Variants in JMY observed in about 807,000 individuals in gnomAD.
JMY encodes junction mediating and regulatory protein, p53 cofactor, also known as junction-mediating and -regulatory protein.
In JMY, 46 loss-of-function variants were observed where a neutral mutation model predicts 103.3. The ratio of observed to expected loss-of-function variants is 0.45; its 90% confidence interval spans 0.35 to 0.57. JMY has a LOEUF of 0.57. Ranked by LOEUF, JMY falls within the 20% of genes least tolerant of loss-of-function variation. The pLI is 0.00. For synonymous variants in JMY, 526 were observed against 489.3 expected, an observed-to-expected ratio of 1.07 and a Z score of -0.99; for missense variants, 1,238 against 1,255.2, an observed-to-expected ratio of 0.99 and a Z score of 0.21.
chr5:79,282,100 G>T (rs1330970174), intron 2 of JMY, among the ~76,000 whole-genome samples: 1 of 152,132 alleles, frequency 6.6e-6, no homozygotes, highest in African/African-American at 2.4e-5. Context: ...CCAGCTACTT[G>T]GGAGGCTGAG....
In JMY at chr5:79,269,014, C is replaced by T. The variant is rs940207874; in HGVS notation, c.1033-8896C>T. Reference sequence around the variant, plus strand: ...AGAGCAGAAGTTAAATGAAGTCCCACTCACCAATTTTTTAATGGATTGTGT... The same window carrying T: ...AGAGCAGAAGTTAAATGAAGTCCCATTCACCAATTTTTTAATGGATTGTGT... On this transcript the variant is annotated intron_variant, in intron 1 of 10. Coordinates refer to ENST00000396137, the MANE Select transcript of JMY (RefSeq NM_152405.5). Among the ~76,000 whole-genome samples, 6 of 152,140 alleles carry T rather than the reference C, an allele frequency of 3.9e-5. 1 individual carries two copies. The highest frequency in any genetic ancestry group is 8.8e-5 in the Non-Finnish European group (6 of 68,036).
rs914388411 is a variant in JMY at position 79,237,394 on chromosome 5, G to A, written c.744G>A (p.Val248=). The change falls in exon 1 of 11, where the codon GTG becomes GTA. Residue 248 remains valine, a synonymous_variant. Transcript: ENST00000396137. ...LRAVHQQLCS[V]NSQLEPCLPV... ...CCGTGCACCAGCAGCTGTGCTCGGT[G>A]AACTCGCAGTTGGAGCCGTGCCTGC... 1 of 1,613,520 alleles carries A rather than the reference G, an allele frequency of 6.2e-7. No individual in the cohort carries two copies. Among genetic ancestry groups the A allele is most frequent in the African/African-American group, 1.3e-5 (1 of 75,054 alleles).
intron 1 of JMY, among the ~76,000 whole-genome samples, chr5:79,269,761 T>C (rs548064006): frequency 6.6e-6 from 1 of 152,104 alleles, no homozygotes; most frequent in East Asian, 1.9e-4. Flanking sequence ...GACAGGGTAT[T>C]GCCCTGTCAC....
chr5:79,310,359 C>T (rs1430796095), intron 7 of JMY, among the ~76,000 whole-genome samples: 1 of 152,046 alleles, frequency 6.6e-6, no homozygotes, highest in East Asian at 1.9e-4. Context: ...CCACTCCTGG[C>T]CAAGAAATTG....
At chr5:79,263,831 C>G (rs912962065) in intron 1 of JMY, among the ~76,000 whole-genome samples, 3 of 151,514 alleles carry the variant, frequency 2.0e-5, no homozygotes, top group African/African-American at 7.3e-5. Flanking sequence ...GAGTTTCACT[C>G]TTGTCGCCCA....
At chr5:79,283,963 A>G (rs1313109082) in intron 2 of JMY, among the ~76,000 whole-genome samples, 2 of 152,218 alleles carry the variant, frequency 1.3e-5, no homozygotes, top group Non-Finnish European at 2.9e-5. Flanking sequence ...AAAAAGTGCA[A>G]AAAGCGTGTT....
At chr5:79,267,242 A>G (rs903542065) in intron 1 of JMY, among the ~76,000 whole-genome samples, 35 of 152,152 alleles carry the variant, frequency 2.3e-4, no homozygotes, top group Non-Finnish European at 4.6e-4. Context: ...CCTTTTTTAT[A>G]AAATGTAGAA....
rs1346060376 is a variant in JMY at position 79,316,391 on chromosome 5, G to A, written c.*3+81G>A. ...GATGAGGTTTGGGGTATTTTTTATT[G>A]AGCCTGAGGCATATCGTTTGTTTTA... On this transcript the variant is annotated intron_variant, in intron 10 of 10. Coordinates refer to ENST00000396137, the MANE Select transcript of JMY (RefSeq NM_152405.5). 6 of 1,077,858 alleles carry A rather than the reference G, an allele frequency of 5.6e-6. No individual in the cohort carries two copies. In the Admixed American group the frequency reaches 1.4e-4, roughly 24 times the overall value. The allele number at this position is 1,077,858 out of a possible 1,614,324, so 66.8% of individuals were successfully genotyped here.
At chr5:79,239,227 A>G (rs192804506) in intron 1 of JMY, among the ~76,000 whole-genome samples, 118 of 152,304 alleles carry the variant, frequency 7.7e-4, no homozygotes, top group Admixed American at 1.4e-3. Context: ...GTCACCCACT[A>G]TAACATGATC....
rs1030722591 is a variant in JMY, at chr5:79,236,539, G to C, written c.-112G>C. The C allele has an allele frequency of 2.3e-6, 2 of 854,824 alleles. No individual in the cohort carries two copies. Among genetic ancestry groups the C allele is most frequent in the Admixed American group, 8.7e-5 (2 of 23,000 alleles). 53.0% of individuals were successfully genotyped at this position (854,824 alleles called of 1,614,324 possible). Reference sequence around the variant, plus strand: ...CCGGGAGAGCCGGCCGGCGCACTAAGATGGCTGAAGGCGCCCGGCGAGGGT... The same window carrying C: ...CCGGGAGAGCCGGCCGGCGCACTAACATGGCTGAAGGCGCCCGGCGAGGGT... On this transcript the variant is annotated 5_prime_UTR_variant, in exon 1 of 11. Coordinates refer to ENST00000396137, the MANE Select transcript of JMY (RefSeq NM_152405.5).
intron 1 of JMY, among the ~76,000 whole-genome samples, chr5:79,251,880 T>A (rs1745097334): frequency 6.6e-6 from 1 of 152,160 alleles, no homozygotes; most frequent in African/African-American, 2.4e-5. Flanking sequence ...ATTCAAGCGA[T>A]TCTTCTGCCT....
intron 1 of JMY, among the ~76,000 whole-genome samples, chr5:79,242,563 C>T (rs1744773399): frequency 6.6e-6 from 1 of 152,088 alleles, no homozygotes; most frequent in South Asian, 2.1e-4. Flanking sequence ...TTAAAGAGGT[C>T]CTGTGGACTT....
At chr5:79,277,625 T>G (rs994530683) in intron 1 of JMY, among the ~76,000 whole-genome samples, 2 of 150,558 alleles carry the variant, frequency 1.3e-5, no homozygotes, top group African/African-American at 4.9e-5. Flanking sequence ...GTGACAGGAG[T>G]GAAACCCTGT....
chr5:79,237,323 G>C lies in JMY; in HGVS notation c.673G>C (p.Glu225Gln). 1 of 1,583,914 alleles carries C rather than the reference G, an allele frequency of 6.3e-7. No individual in the cohort carries two copies. The highest frequency in any genetic ancestry group is 8.6e-7 in the Non-Finnish European group (1 of 1,165,868). Residue 225 changes from glutamate (E) to glutamine (Q), a missense_variant, in exon 1 of 11, where the codon GAA becomes CAA. Physicochemically the swap from Glu to Gln is conservative, Grantham distance 29 (BLOSUM62 2). Transcript: ENST00000396137. ...PPATELESPAEECSWAGLFSF... is the reference protein window; with the variant it reads ...PPATELESPAQECSWAGLFSF... ...CGCCACCGAGCTGGAGTCTCCGGCC[G>C]AAGAGTGCAGCTGGGCCGGACTGTT...
chr5:79,298,438 TATC>T (rs1746629683), intron 4 of JMY, among the ~76,000 whole-genome samples: 1 of 152,182 alleles, frequency 6.6e-6, no homozygotes, highest in Non-Finnish European at 1.5e-5. Context: ...AAGGGATGTT[TATC>T]ATCTAAAGTG....
At chr5:79,270,781 T>A (rs80336560) in intron 1 of JMY, among the ~76,000 whole-genome samples, 4,590 of 150,126 alleles carry the variant, frequency 0.031, 86 homozygotes, top group South Asian at 0.062. Flanking sequence ...GGTTTTTTTT[T>A]ATCAAGGTGA....
chr5:79,254,904 G>A (rs139179258), intron 1 of JMY, among the ~76,000 whole-genome samples: 7 of 150,404 alleles, frequency 4.7e-5, no homozygotes, highest in African/African-American at 1.7e-4. Flanking sequence ...TCTTCTGCTT[G>A]ATCAGTTCTG....
chr5:79,289,356 G>A (rs1330883993), intron 2 of JMY, among the ~76,000 whole-genome samples: 1 of 151,056 alleles, frequency 6.6e-6, no homozygotes, highest in East Asian at 1.9e-4. Context: ...TCATGGGTGG[G>A]TTAACATTTT....
chr5:79,313,813 G>T (rs1326472626), intron 8 of JMY, among the ~76,000 whole-genome samples: 1 of 152,006 alleles, frequency 6.6e-6, no homozygotes, highest in African/African-American at 2.4e-5. Flanking sequence ...CTATTATTAG[G>T]TACTTTCGGA....
Sources: gnomAD v4.1 joint callset for allele counts (sites outside exome capture counted in the v4.1 genomes callset) on GRCh38, gnomAD v4.1.1 for gene constraint, MANE v1.5 for transcripts, NCBI Gene and HGNC (gene_info 2026-07-23, HGNC 2026-07-21) for gene names.